Variants in SLC25A48 observed in about 807,000 individuals in gnomAD.
SLC25A48 encodes CTC-321K16.1.
A neutral mutation model predicts 32.2 loss-of-function variants in SLC25A48; 29 were observed. That is an observed-to-expected ratio of 0.90 (90% CI 0.67 to 1.23). SLC25A48 has a LOEUF of 1.23. Ranked by LOEUF, SLC25A48 falls within the 50% of genes most tolerant of loss-of-function variation. SLC25A48 has a pLI of 0.00. For synonymous variants in SLC25A48, 164 were observed against 172.3 expected, an observed-to-expected ratio of 0.95 and a Z score of 0.38; for missense variants, 399 against 422.7, an observed-to-expected ratio of 0.94 and a Z score of 0.49.
chr5:135,765,322 TG>T (rs1390901838), intron 3 of SLC25A48, among the ~76,000 whole-genome samples: 2 of 149,450 alleles, frequency 1.3e-5, no homozygotes, highest in African/African-American at 4.9e-5. Flanking sequence ...TTCCATATCG[TG>T]GGGGGTGTGA....
chr5:135,643,232 G>A (rs1361420848), intron 3 of SLC25A48, among the ~76,000 whole-genome samples: 1 of 152,212 alleles, frequency 6.6e-6, no homozygotes, highest in Non-Finnish European at 1.5e-5. Flanking sequence ...ACGGGCGGTG[G>A]GGAAAAAGCT....
chr5:135,768,706 C>A (rs1053645383), intron 3 of SLC25A48, among the ~76,000 whole-genome samples: 4 of 151,566 alleles, frequency 2.6e-5, no homozygotes, highest in African/African-American at 9.7e-5. Context: ...AATGTGCACA[C>A]CCTTGTTATA....
intron 4 of SLC25A48, among the ~76,000 whole-genome samples, chr5:135,817,523 A>G (rs1281158818): frequency 6.6e-6 from 1 of 152,240 alleles, no homozygotes; most frequent in Non-Finnish European, 1.5e-5. Context: ...CTCAAATAGC[A>G]TCAATGAACT....
chr5:135,873,225 G>A (rs1416112114), intron 5 of SLC25A48, among the ~76,000 whole-genome samples: 1 of 152,180 alleles, frequency 6.6e-6, no homozygotes, highest in Non-Finnish European at 1.5e-5. Context: ...TCTCTTTTGA[G>A]AGCTACTGCG....
At chr5:135,644,305 G>A (rs73283248) in intron 3 of SLC25A48, among the ~76,000 whole-genome samples, 46 of 152,220 alleles carry the variant, frequency 3.0e-4, no homozygotes, top group African/African-American at 1.1e-3. Context: ...AACAGGTGGT[G>A]GAAGATGACA....
Position 135,871,693 on chromosome 5 carries a change from C to T in SLC25A48, c.654C>T (p.Ala218=), listed in dbSNP as rs2304080. ...PEACTGPSPC[A]VWLAGGMAGA... ...CCTGCACAGGCCCCAGCCCCTGTGCCGTGTGGCTGGCGGGCGGCATGGCAG... is the reference window on the plus strand; with the variant it reads ...CCTGCACAGGCCCCAGCCCCTGTGCTGTGTGGCTGGCGGGCGGCATGGCAG... Residue 218 remains alanine (A), a synonymous_variant, in exon 5 of 8, where the codon GCC becomes GCT. Transcript: ENST00000681962. 978,721 of 1,613,664 alleles carry T rather than the reference C, an allele frequency of 0.61. 302,166 individuals are homozygous for T. The highest frequency in any genetic ancestry group is 0.77 in the East Asian group (34,575 of 44,842).
At chr5:135,756,429 G>A (rs1755907692) in intron 3 of SLC25A48, among the ~76,000 whole-genome samples, 2 of 151,958 alleles carry the variant, frequency 1.3e-5, no homozygotes, top group Non-Finnish European at 2.9e-5. Context: ...TCATGCCTGT[G>A]ATCCCAGGCC....
chr5:135,722,737 A>G (rs750367445), intron 3 of SLC25A48, among the ~76,000 whole-genome samples: 1 of 152,250 alleles, frequency 6.6e-6, no homozygotes, highest in Non-Finnish European at 1.5e-5. Context: ...TGATTGAAAC[A>G]ACAGCAGCAA....
chr5:135,774,828 C>T (rs1300647512), intron 3 of SLC25A48, among the ~76,000 whole-genome samples: 4 of 151,596 alleles, frequency 2.6e-5, no homozygotes, highest in Non-Finnish European at 5.9e-5. Flanking sequence ...GTACACACCC[C>T]TGTGATATTG....
rs188912297 is a variant in SLC25A48 at position 135,608,945 on chromosome 5, C to A, written c.-848-20292C>A. ...GAGCATGAAGGTGTCTTGTCTTGGC[C>A]CTTTATCTATGGATATCTGCCATGT... On this transcript the variant is annotated intron_variant, in intron 1 of 10. Coordinates refer to the SLC25A48 transcript ENST00000646290. Among the ~76,000 whole-genome samples the A allele has an allele frequency of 1.4e-3, 214 of 152,254 alleles. 1 individual carries two copies. The highest frequency in any genetic ancestry group is 4.8e-3 in the African/African-American group (200 of 41,526).
At chr5:135,778,525 G>A (rs370259869) in intron 3 of SLC25A48, among the ~76,000 whole-genome samples, 1 of 151,482 alleles carries the variant, frequency 6.6e-6, no homozygotes, top group Admixed American at 6.6e-5. Flanking sequence ...CAATGTCGCA[G>A]AGGGTGTACA....
chr5:135,861,890 C>T (rs947793001), intron 4 of SLC25A48, among the ~76,000 whole-genome samples: 3 of 152,018 alleles, frequency 2.0e-5, no homozygotes, highest in African/African-American at 7.3e-5. Flanking sequence ...TACCATTGCA[C>T]AATAACCAGT....
chr5:135,876,130 T>A (rs1321152687), intron 6 of SLC25A48: 1 of 32,934 alleles, frequency 3.0e-5, no homozygotes, highest in African/African-American at 1.2e-4. Flanking sequence ...TTTTTCTTCT[T>A]CTTTTTTTTT....
chr5:135,802,016 T>C (rs1757341892), intron 3 of SLC25A48, among the ~76,000 whole-genome samples: 1 of 151,744 alleles, frequency 6.6e-6, no homozygotes, highest in Admixed American at 6.6e-5. Flanking sequence ...GATAAGATGC[T>C]ATTACACCCA....
At chr5:135,746,706 A>G (rs2127005005) in intron 3 of SLC25A48, among the ~76,000 whole-genome samples, 1 of 152,266 alleles carries the variant, frequency 6.6e-6, no homozygotes, top group Admixed American at 6.5e-5. Context: ...TTCATACCCA[A>G]GAGATTTAAT....
At chr5:135,671,809 T>A (rs1014100609) in intron 3 of SLC25A48, 3 of 152,234 alleles carry the variant, frequency 2.0e-5, no homozygotes, top group African/African-American at 7.2e-5. Context: ...TGAACCATTT[T>A]AAAAATTATC....
At chr5:135,635,470 G>A (rs926961792) in intron 3 of SLC25A48, among the ~76,000 whole-genome samples, 2 of 152,176 alleles carry the variant, frequency 1.3e-5, no homozygotes, top group Non-Finnish European at 2.9e-5. Flanking sequence ...GTCTCCAGCT[G>A]GGATAAGAGA....
intron 3 of SLC25A48, among the ~76,000 whole-genome samples, chr5:135,674,132 TA>T (rs1255961721): frequency 2.0e-5 from 3 of 152,046 alleles, no homozygotes; most frequent in Non-Finnish European, 4.4e-5. Flanking sequence ...TTTTTAATTT[TA>T]AAAACATTTT....
At chr5:135,632,809 T>C (rs922149826) in intron 2 of SLC25A48, among the ~76,000 whole-genome samples, 1 of 152,206 alleles carries the variant, frequency 6.6e-6, no homozygotes, top group African/African-American at 2.4e-5. Flanking sequence ...CAGCAGTGGC[T>C]CTCATGCAGT....
Sources: allele counts gnomAD v4.1 joint callset (sites outside exome capture counted in the v4.1 genomes callset), GRCh38; gene constraint gnomAD v4.1.1; transcripts MANE v1.5; gene names NCBI Gene and HGNC (gene_info 2026-07-23, HGNC 2026-07-21).